The following LHFPL3 variants were observed in gnomAD, a reference collection of about 807,000 sequenced individuals.
The protein encoded by LHFPL3 is LHFPL tetraspan subfamily member 3, also known as LHFPL tetraspan subfamily member 3 protein.
Under a neutral mutation model 19.3 loss-of-function variants are expected in LHFPL3, and 5 were observed. The observed-to-expected ratio is 0.26, with a 90% CI of 0.14 to 0.54. LHFPL3 has a LOEUF of 0.54. Ranked by LOEUF, LHFPL3 falls within the 20% of genes least tolerant of loss-of-function variation. LHFPL3 has a pLI of 0.94. For synonymous variants in LHFPL3, 133 were observed against 126.2 expected (o/e 1.05, Z -0.36); for missense variants, 249 against 307.4 (o/e 0.81, Z 1.42).
chr7:104,881,445 G>A (rs1046841319), intron 2 of LHFPL3, among the ~76,000 whole-genome samples: 12 of 152,310 alleles, frequency 7.9e-5, no homozygotes, highest in Non-Finnish European at 1.6e-4. Context: ...AGACTTCCGT[G>A]GAGGAAGTAA....
chr7:104,547,651 A>G (rs1246584857), intron 1 of LHFPL3, among the ~76,000 whole-genome samples: 1 of 152,196 alleles, frequency 6.6e-6, no homozygotes, highest in Non-Finnish European at 1.5e-5. Flanking sequence ...CCAGAGAGCC[A>G]TGTTTCTGTA....
chr7:104,835,254 C>T (rs1791068570), intron 2 of LHFPL3, among the ~76,000 whole-genome samples: 1 of 151,806 alleles, frequency 6.6e-6, no homozygotes, highest in Non-Finnish European at 1.5e-5. Flanking sequence ...TAGTATGATG[C>T]ACAGAGTAAG....
intron 2 of LHFPL3, among the ~76,000 whole-genome samples, chr7:104,883,176 A>G (rs1792087687): frequency 6.6e-6 from 1 of 152,234 alleles, no homozygotes; most frequent in African/African-American, 2.4e-5. Context: ...GGAGTTAAGG[A>G]AAAGAGCTCC....
At chr7:104,352,860 GCTACTC>G (rs1407700629) in intron 1 of LHFPL3, among the ~76,000 whole-genome samples, 1 of 152,180 alleles carries the variant, frequency 6.6e-6, no homozygotes, top group African/African-American at 2.4e-5. Flanking sequence ...TGAGTTCCTG[GCTACTC>G]TTTCAGTAAC....
In LHFPL3 at chr7:104,512,143, C is replaced by A. The variant is rs149380551; in HGVS notation, c.445+182919C>A. ...CTAATTTTTGTATTTTTACTAGAGA[C>A]AGGGTTTCACCATATTGGCCAGACT... On this transcript the variant is annotated intron_variant, in intron 1 of 2. Coordinates refer to ENST00000424859, the MANE Select transcript of LHFPL3 (RefSeq NM_199000.3). Among the ~76,000 whole-genome samples, 246 of 151,756 alleles carry A rather than the reference C, an allele frequency of 1.6e-3. 3 individuals are homozygous for A. The East Asian group carries it at 0.028, about 17-fold the overall frequency.
intron 1 of LHFPL3, among the ~76,000 whole-genome samples, chr7:104,368,560 C>T (rs1790542117): frequency 6.6e-6 from 1 of 152,052 alleles, no homozygotes; most frequent in African/African-American, 2.4e-5. Flanking sequence ...TTCTTTGTTC[C>T]TGCCTCTACC....
chr7:104,540,093 C>T (rs953940448), intron 1 of LHFPL3, among the ~76,000 whole-genome samples: 1 of 152,026 alleles, frequency 6.6e-6, no homozygotes, highest in Admixed American at 6.6e-5. Flanking sequence ...GCCTTAATCT[C>T]TCAATGGTAG....
Position 104,375,791 on chromosome 7 carries a change from G to T in LHFPL3, c.445+46567G>T, listed in dbSNP as rs116233463. On this transcript the variant is annotated intron_variant, in intron 1 of 2. Transcript: ENST00000424859. ...GGTTTCTGAAGGTGAATCTGCCTGG[G>T]CTACTATTTCTCTTTATTTTCCAAA... Among the ~76,000 whole-genome samples the T allele has an allele frequency of 2.6e-3, 394 of 152,264 alleles. 1 individual carries two copies. The highest frequency in any genetic ancestry group is 9.0e-3 in the African/African-American group (376 of 41,556).
At chr7:104,668,422 G>C in intron 1 of LHFPL3, 1 of 1,605,704 alleles carries the variant, frequency 6.2e-7, no homozygotes, top group Non-Finnish European at 8.5e-7. Context: ...GACAAGTATC[G>C]AGATCGTTAT....
intron 2 of LHFPL3, chr7:104,759,591 C>G (rs1418733074): frequency 6.6e-6 from 1 of 152,202 alleles, no homozygotes; most frequent in Admixed American, 6.5e-5. Context: ...TTGGACAGCA[C>G]AGGCCTGGAC....
At chr7:104,400,801 C>A (rs1377648095) in intron 1 of LHFPL3, among the ~76,000 whole-genome samples, 1 of 152,176 alleles carries the variant, frequency 6.6e-6, no homozygotes, top group African/African-American at 2.4e-5. Context: ...CCTCCTCTTT[C>A]TCCACACTTT....
intron 2 of LHFPL3, among the ~76,000 whole-genome samples, chr7:104,835,297 T>G (rs1791069427): frequency 6.6e-6 from 1 of 152,020 alleles, no homozygotes; most frequent in South Asian, 2.1e-4. Context: ...CAACCAACAT[T>G]TGCTGTGTGT....
intron 1 of LHFPL3, among the ~76,000 whole-genome samples, chr7:104,475,268 G>A (rs925660755): frequency 4.0e-5 from 6 of 151,760 alleles, no homozygotes; most frequent in African/African-American, 1.5e-4. Flanking sequence ...AAAAAGATGT[G>A]ACTCATTATC....
chr7:104,673,845 C>T (rs998999342), intron 1 of LHFPL3, among the ~76,000 whole-genome samples: 6 of 152,144 alleles, frequency 3.9e-5, no homozygotes, highest in South Asian at 4.1e-4. Context: ...AACCTTAGAA[C>T]AAGATAAAAG....
intron 2 of LHFPL3, among the ~76,000 whole-genome samples, chr7:104,812,222 G>A (rs1316441956): frequency 6.6e-6 from 1 of 152,216 alleles, no homozygotes; most frequent in Non-Finnish European, 1.5e-5. Flanking sequence ...TTGCTGGCGT[G>A]ACCATTGCTG....
intron 1 of LHFPL3, among the ~76,000 whole-genome samples, chr7:104,475,301 G>T (rs182652204): frequency 6.6e-6 from 1 of 152,040 alleles, no homozygotes; most frequent in African/African-American, 2.4e-5. Context: ...CTCTGAATAT[G>T]TCTGGTTAAC....
At chr7:104,330,527 G>A (rs2116341569) in intron 1 of LHFPL3, among the ~76,000 whole-genome samples, 1 of 152,218 alleles carries the variant, frequency 6.6e-6, no homozygotes, top group Middle Eastern at 3.4e-3. Flanking sequence ...TTGCTAGTTT[G>A]ATAAGGAAAG....
At chr7:104,729,923 G>A (rs1382343868) in intron 1 of LHFPL3, among the ~76,000 whole-genome samples, 1 of 151,048 alleles carries the variant, frequency 6.6e-6, no homozygotes. Context: ...AGGCCCCAGT[G>A]TGTGATGTTC....
intron 1 of LHFPL3, among the ~76,000 whole-genome samples, chr7:104,643,685 C>T (rs902978977): frequency 3.9e-5 from 6 of 152,184 alleles, no homozygotes; most frequent in Non-Finnish European, 7.3e-5. Flanking sequence ...TGAGATGCAG[C>T]CTGGGCTTTT....
Sources: gnomAD v4.1 joint callset for allele counts (sites outside exome capture counted in the v4.1 genomes callset) on GRCh38, gnomAD v4.1.1 for gene constraint, MANE v1.5 for transcripts, NCBI Gene and HGNC (gene_info 2026-07-23, HGNC 2026-07-21) for gene names.